Variants in ST18 observed in about 807,000 individuals in gnomAD.
ST18 encodes ST18 C2H2C-type zinc finger transcription factor, also known as suppression of tumorigenicity 18 protein.
A neutral mutation model predicts 110.0 loss-of-function variants in ST18; 50 were observed. The ratio of observed to expected loss-of-function variants is 0.45; its 90% CI spans 0.36 to 0.58. ST18 has a LOEUF of 0.58. ST18 is among the 20% of genes least tolerant of loss of function. The pLI, the probability that ST18 is intolerant of heterozygous loss-of-function variation, is 0.00. For synonymous variants in ST18, 461 were observed against 452.4 expected, an observed-to-expected ratio of 1.02 and a Z score of -0.24; for missense variants, 1,306 against 1,280.1, an observed-to-expected ratio of 1.02 and a Z score of -0.31.
intron 9 of ST18, among the ~76,000 whole-genome samples, chr8:52,174,775 A>G (rs1192582909): frequency 6.6e-6 from 1 of 152,228 alleles, no homozygotes; most frequent in Admixed American, 6.5e-5. Flanking sequence ...AGGTGCCTGC[A>G]CAGCACACGC....
At chr8:52,279,924 G>A (rs2095343371) in intron 2 of ST18, among the ~76,000 whole-genome samples, 1 of 152,166 alleles carries the variant, frequency 6.6e-6, no homozygotes, top group Non-Finnish European at 1.5e-5. Flanking sequence ...AAAAAGCAAT[G>A]ATGATTGGAG....
intron 2 of ST18, among the ~76,000 whole-genome samples, chr8:52,325,730 A>G (rs1453785781): frequency 6.6e-6 from 1 of 152,236 alleles, no homozygotes; most frequent in Non-Finnish European, 1.5e-5. Flanking sequence ...ATTTCCAGCT[A>G]GGAATTTTTG....
chr8:52,171,918 C>T lies in ST18; in HGVS notation c.943G>A (p.Glu315Lys), dbSNP rs772156780. ...GTGTTATGGAAAACACAACCTCGCTCAGCCTGCAGAGCAATTGCCTGCTCC... is the reference window on the plus strand; with the variant it reads ...GTGTTATGGAAAACACAACCTCGCTTAGCCTGCAGAGCAATTGCCTGCTCC... ...LLEQAIALQA[E>K]RGCVFHNTYK... The change falls in exon 10 of 26, where the codon GAG (glutamate) becomes AAG (lysine). Residue 315 changes from glutamate (E) to lysine (K), a missense_variant. Glu to Lys is a moderately conservative substitution (Grantham distance 56). Coordinates refer to ENST00000689386, the MANE Select transcript of ST18 (RefSeq NM_001352837.2). 1.9e-6 allele frequency: 3 copies of T among 1,614,224 alleles called. No individual in the cohort carries two copies. The highest frequency in any genetic ancestry group is 2.5e-6 in the Non-Finnish European group (3 of 1,180,040).
intron 2 of ST18, among the ~76,000 whole-genome samples, chr8:52,339,609 C>T (rs769268854): frequency 2.0e-5 from 3 of 152,176 alleles, no homozygotes; most frequent in Non-Finnish European, 4.4e-5. Flanking sequence ...TGTACAGTGG[C>T]AAAACACTGG....
chr8:52,300,207 C>A (rs983595726), intron 2 of ST18, among the ~76,000 whole-genome samples: 2 of 152,192 alleles, frequency 1.3e-5, no homozygotes, highest in African/African-American at 4.8e-5. Context: ...TGCTGCCAAA[C>A]ACGGAATTGC....
chr8:52,401,284 T>C (rs1043516509), intron 2 of ST18, among the ~76,000 whole-genome samples: 2 of 152,218 alleles, frequency 1.3e-5, no homozygotes, highest in African/African-American at 4.8e-5. Flanking sequence ...GACATTTTTA[T>C]TGTAATATGA....
chr8:52,179,668 A>T (rs1013946933), intron 9 of ST18, among the ~76,000 whole-genome samples: 6 of 152,092 alleles, frequency 3.9e-5, no homozygotes, highest in Non-Finnish European at 8.8e-5. Flanking sequence ...ATTAAAAAAA[A>T]TTTTTAACTG....
At chr8:52,267,483 TAA>T (rs57769643) in intron 2 of ST18, among the ~76,000 whole-genome samples, 94 of 115,018 alleles carry the variant, frequency 8.2e-4, no homozygotes, top group Admixed American at 1.4e-3. Flanking sequence ...AGAGATAAGC[TAA>T]AAAAAAAAAA....
chr8:52,372,789 G>A (rs1165338468), intron 2 of ST18, among the ~76,000 whole-genome samples: 2 of 152,114 alleles, frequency 1.3e-5, no homozygotes, highest in African/African-American at 2.4e-5. Context: ...TTTGCACAAC[G>A]ACGAAGTCAC....
chr8:52,390,244 G>A (rs1288474953), intron 2 of ST18, among the ~76,000 whole-genome samples: 2 of 152,034 alleles, frequency 1.3e-5, no homozygotes, highest in Admixed American at 6.5e-5. Context: ...CTCCCTTCCC[G>A]TTATCTCCCT....
chr8:52,311,207 G>A (rs1469548978), intron 2 of ST18, among the ~76,000 whole-genome samples: 1 of 152,196 alleles, frequency 6.6e-6, no homozygotes, highest in Non-Finnish European at 1.5e-5. Context: ...TGGGCAACTG[G>A]ACATTCCTGC....
intron 2 of ST18, among the ~76,000 whole-genome samples, chr8:52,250,620 A>C (rs1454922103): frequency 6.6e-6 from 1 of 151,664 alleles, no homozygotes; most frequent in Non-Finnish European, 1.5e-5. Context: ...TGTGGGCCGC[A>C]GAGAAAGAAA....
At position 52,254,895 on chromosome 8, in the gene ST18, G is replaced by A. The variant is rs1011240145; in HGVS notation, c.-464-24818C>T. ...GAGTAATTAGGTGTAATTCCTCCCTGTAGGCCTTGTACCCTCCTGTGCTTG... is the reference window on the plus strand; with the variant it reads ...GAGTAATTAGGTGTAATTCCTCCCTATAGGCCTTGTACCCTCCTGTGCTTG... On this transcript the variant is annotated intron_variant, in intron 2 of 25. Transcript: ENST00000689386. 7.2e-5 allele frequency among the ~76,000 whole-genome samples: 11 copies of A among 152,248 alleles called. 1 individual carries two copies. Among genetic ancestry groups the A allele is most frequent in the East Asian group, 5.8e-4 (3 of 5,168 alleles).
At chr8:52,275,546 G>A (rs2095216307) in intron 2 of ST18, among the ~76,000 whole-genome samples, 1 of 152,196 alleles carries the variant, frequency 6.6e-6, no homozygotes, top group Non-Finnish European at 1.5e-5. Context: ...ACAGAAAGTA[G>A]ATGTGTATCT....
At chr8:52,122,476 T>C (rs1197215274) in intron 23 of ST18, among the ~76,000 whole-genome samples, 1 of 151,688 alleles carries the variant, frequency 6.6e-6, no homozygotes, top group Non-Finnish European at 1.5e-5. Context: ...ACTTCTATTA[T>C]TTATTTATTT....
intron 2 of ST18, among the ~76,000 whole-genome samples, chr8:52,262,531 T>C (rs2094726913): frequency 6.6e-6 from 1 of 152,254 alleles, no homozygotes; most frequent in Admixed American, 6.5e-5. Flanking sequence ...TGAATGACTA[T>C]GTGTACCAAA....
chr8:52,156,033 C>T (rs1027885475), intron 15 of ST18, among the ~76,000 whole-genome samples: 1 of 152,112 alleles, frequency 6.6e-6, no homozygotes, highest in African/African-American at 2.4e-5. Flanking sequence ...GAGAAATCAG[C>T]CCTCACCCAA....
chr8:52,137,326 T>G, intron 18 of ST18, 95 bp downstream of exon 18: 1 of 1,302,430 alleles, frequency 7.7e-7, no homozygotes, highest in South Asian at 1.4e-5. Flanking sequence ...ACTCATTTCC[T>G]GCTTCAGATA....
chr8:52,224,786 G>A (rs1220695040), intron 3 of ST18, among the ~76,000 whole-genome samples: 2 of 152,196 alleles, frequency 1.3e-5, no homozygotes, highest in African/African-American at 4.8e-5. Flanking sequence ...CCGAGTGATT[G>A]TTGTAAATAT....
Sources: allele counts gnomAD v4.1 joint callset (sites outside exome capture counted in the v4.1 genomes callset), GRCh38; gene constraint gnomAD v4.1.1; transcripts MANE v1.5; gene names NCBI Gene and HGNC (gene_info 2026-07-23, HGNC 2026-07-21).